ASXL3: variants seen among roughly 807,000 people sequenced by gnomAD.
ASXL3 encodes ASXL transcriptional regulator 3, also known as putative Polycomb group protein ASXL3.
ASXL3 carries 34 observed loss-of-function variants against 170.6 expected under a neutral mutation model. That is an observed-to-expected ratio of 0.20 (90% CI 0.15 to 0.27). The LOEUF (loss-of-function observed/expected upper bound fraction) is 0.27, where lower values mean the gene tolerates loss of function less well. Ranked by LOEUF, ASXL3 falls within the 10% of genes least tolerant of loss-of-function variation. The pLI is 1.00. For synonymous variants in ASXL3, 1,002 were observed against 989.1 expected (o/e 1.01, Z -0.24); for missense variants, 2,592 against 2,695.3 (o/e 0.96, Z 0.85).
At chr18:33,730,533 G>T (rs2067425304) in intron 8 of ASXL3, among the ~76,000 whole-genome samples, 1 of 152,142 alleles carries the variant, frequency 6.6e-6, no homozygotes, top group African/African-American at 2.4e-5. Context: ...GTGTCCTAGA[G>T]TTATCCAGTC....
At position 33,745,784 on chromosome 18, in the gene ASXL3, C is replaced by T. The variant is rs780287938; in HGVS notation, c.5936C>T (p.Ser1979Leu). Reference protein sequence around the residue: ...QKGLGEVSLSSAPHQLRLANM... With the variant: ...QKGLGEVSLSLAPHQLRLANM... ...GGATTGGGAGAGGTTAGTCTTTCCT[C>T]AGCACCTCACCAGCTAAGGTTAGCC... The change falls in exon 12 of 12, where the codon TCA (serine) becomes TTA (leucine). Residue 1979 changes from serine (S) to leucine (L), a missense_variant. Physicochemically the swap from Ser to Leu is moderately radical, Grantham distance 145. This residue lies in a region of ASXL3 where 2,246 missense variants were observed against 2,219.6 expected (regional missense o/e 1.01). Transcript: ENST00000269197. The T allele has an allele frequency of 3.7e-6, 6 of 1,614,002 alleles. No individual in the cohort carries two copies. The highest frequency in any genetic ancestry group is 5.1e-6 in the Non-Finnish European group (6 of 1,179,878).
chr18:33,694,240 C>T (rs527839991), intron 8 of ASXL3, among the ~76,000 whole-genome samples: 14 of 152,216 alleles, frequency 9.2e-5, no homozygotes, highest in Admixed American at 2.0e-4. Flanking sequence ...TTGTGCATAG[C>T]GTTCTGCAAG....
chr18:33,723,517 C>T (rs1046526922), intron 8 of ASXL3, among the ~76,000 whole-genome samples: 1 of 152,138 alleles, frequency 6.6e-6, no homozygotes, highest in South Asian at 2.1e-4. Flanking sequence ...TTGTTGCCAT[C>T]TTAGGATGAA....
At chr18:33,711,497 C>A (rs2067062437) in intron 8 of ASXL3, among the ~76,000 whole-genome samples, 1 of 152,062 alleles carries the variant, frequency 6.6e-6, no homozygotes, top group Non-Finnish European at 1.5e-5. Flanking sequence ...TCTGAATTCC[C>A]AAATGACTAA....
chr18:33,586,208 A>AT lies in ASXL3; in HGVS notation c.54+7530dup, dbSNP rs562751651. Among the ~76,000 whole-genome samples, 13 of 152,038 alleles carry AT rather than the reference A, an allele frequency of 8.6e-5. No individual in the cohort carries two copies. In the East Asian group the frequency reaches 2.3e-3, roughly 27 times the overall value. ...ACAGTGAGGCTGTTGTTTATTCTCC[A>AT]TTTTTTTAATGTCAAAATAAATTAC... is the stretch of plus-strand genomic sequence containing the variant. On this transcript the variant is annotated intron_variant, in intron 1 of 11. Transcript: ENST00000269197.
At chr18:33,676,426 T>C (rs1276428781) in intron 7 of ASXL3, among the ~76,000 whole-genome samples, 1 of 151,974 alleles carries the variant, frequency 6.6e-6, no homozygotes, top group African/African-American at 2.4e-5. Context: ...ACTGATTGAA[T>C]AGACTTGGTC....
chr18:33,616,237 G>T (rs1364653283), intron 2 of ASXL3, among the ~76,000 whole-genome samples: 1 of 152,024 alleles, frequency 6.6e-6, no homozygotes, highest in Non-Finnish European at 1.5e-5. Flanking sequence ...AATCCTAATC[G>T]ACTTGGGCTT....
chr18:33,590,462 A>G (rs991552082), intron 1 of ASXL3, among the ~76,000 whole-genome samples: 2 of 152,278 alleles, frequency 1.3e-5, no homozygotes, highest in East Asian at 3.9e-4. Flanking sequence ...TAAAAGGCAG[A>G]TGGAAAGTAT....
At chr18:33,661,395 G>A (rs2066171583) in intron 4 of ASXL3, among the ~76,000 whole-genome samples, 1 of 151,986 alleles carries the variant, frequency 6.6e-6, no homozygotes, top group South Asian at 2.1e-4. Flanking sequence ...ATCAATTTGC[G>A]GGTTAGGACA....
chr18:33,654,454 A>G (rs1223305813), intron 4 of ASXL3, among the ~76,000 whole-genome samples: 1 of 152,116 alleles, frequency 6.6e-6, no homozygotes. Flanking sequence ...TCAAACTGCC[A>G]TCTGGATAGC....
intron 1 of ASXL3, among the ~76,000 whole-genome samples, chr18:33,591,063 T>C (rs903097676): frequency 1.1e-4 from 16 of 152,232 alleles, no homozygotes; most frequent in African/African-American, 3.9e-4. Flanking sequence ...GAATCTTCAC[T>C]CATTTTCTGA....
At chr18:33,673,007 CA>C (rs1165298554) in intron 7 of ASXL3, among the ~76,000 whole-genome samples, 3 of 151,938 alleles carry the variant, frequency 2.0e-5, no homozygotes, top group Non-Finnish European at 4.4e-5. Context: ...TTCTCTATCC[CA>C]AAATGTATGT....
At chr18:33,659,647 T>A (rs2066140612) in intron 4 of ASXL3, among the ~76,000 whole-genome samples, 1 of 152,120 alleles carries the variant, frequency 6.6e-6, no homozygotes, top group Non-Finnish European at 1.5e-5. Context: ...GATTATTATT[T>A]CTAATATTTC....
At chr18:33,624,014 C>T (rs1388399685) in intron 2 of ASXL3, among the ~76,000 whole-genome samples, 1 of 151,994 alleles carries the variant, frequency 6.6e-6, no homozygotes, top group Non-Finnish European at 1.5e-5. Context: ...AAAAACCAGC[C>T]AGGTGTGATT....
At chr18:33,640,205 T>TA (rs1480785460) in intron 2 of ASXL3, among the ~76,000 whole-genome samples, 2 of 152,094 alleles carry the variant, frequency 1.3e-5, no homozygotes, top group Non-Finnish European at 2.9e-5. Context: ...AGGCTTAGTA[T>TA]AGATCATTTT....
intron 2 of ASXL3, among the ~76,000 whole-genome samples, chr18:33,617,255 G>A (rs922907959): frequency 3.9e-5 from 6 of 152,044 alleles, no homozygotes; most frequent in Admixed American, 1.3e-4. Flanking sequence ...ACTTTGGGAG[G>A]CTGGGGTGGG....
chr18:33,680,523 T>C (rs11081821), intron 7 of ASXL3, among the ~76,000 whole-genome samples: 65,212 of 151,476 alleles, frequency 0.43, 14,809 homozygotes, highest in East Asian at 0.8. Flanking sequence ...ACAATTATTT[T>C]GATCCAATCT....
intron 8 of ASXL3, among the ~76,000 whole-genome samples, chr18:33,690,525 A>G (rs1278364067): frequency 6.6e-6 from 1 of 152,176 alleles, no homozygotes; most frequent in African/African-American, 2.4e-5. Context: ...TAAACATAAC[A>G]CAGTTTATAT....
intron 8 of ASXL3, among the ~76,000 whole-genome samples, chr18:33,689,331 T>C (rs978353168): frequency 1.4e-4 from 22 of 152,312 alleles, no homozygotes; most frequent in African/African-American, 5.1e-4. Flanking sequence ...TGTGTTGTCT[T>C]ACATAAGTAC....
Sources: gnomAD v4.1 joint callset for allele counts (sites outside exome capture counted in the v4.1 genomes callset) on GRCh38, gnomAD v4.1.1 for gene constraint, gnomAD v4.1.1 regional missense constraint, MANE v1.5 for transcripts, NCBI Gene and HGNC (gene_info 2026-07-23, HGNC 2026-07-21) for gene names.